The following NCKAP5 variants were observed in gnomAD, a reference collection of about 807,000 sequenced individuals.
NCKAP5 encodes the protein nck-associated protein 5.
Under a neutral mutation model 167.0 loss-of-function variants are expected in NCKAP5, and 92 were observed. The ratio of observed to expected loss-of-function variants is 0.55; its 90% CI spans 0.47 to 0.66. The LOEUF is 0.66. NCKAP5 is among the 30% of genes least tolerant of loss of function. NCKAP5 has a pLI of 0.00. For synonymous variants in NCKAP5, 891 were observed against 877.4 expected, an observed-to-expected ratio of 1.02 and a Z score of -0.27; for missense variants, 2,378 against 2,315.0, an observed-to-expected ratio of 1.03 and a Z score of -0.56.
intron 3 of NCKAP5, among the ~76,000 whole-genome samples, chr2:133,394,316 T>A (rs13408835): frequency 6.6e-6 from 1 of 152,052 alleles, no homozygotes; most frequent in Non-Finnish European, 1.5e-5. Context: ...ATTGGGAGTA[T>A]GGTAGGCCAA....
chr2:132,890,386 T>C (rs1574532792), intron 8 of NCKAP5, among the ~76,000 whole-genome samples: 1 of 147,616 alleles, frequency 6.8e-6, no homozygotes. Flanking sequence ...GGATAAAATA[T>C]AGAGAGGCCA....
At chr2:133,226,232 C>T (rs916831096) in intron 4 of NCKAP5, among the ~76,000 whole-genome samples, 3 of 152,144 alleles carry the variant, frequency 2.0e-5, no homozygotes, top group Admixed American at 6.5e-5. Context: ...TAAGCCGCCA[C>T]ACCGGGCCCA....
At chr2:133,541,076 TTA>T (rs1047551988) in intron 2 of NCKAP5, among the ~76,000 whole-genome samples, 9 of 150,856 alleles carry the variant, frequency 6.0e-5, no homozygotes, top group Non-Finnish European at 1.3e-4. Context: ...TATAAGTATT[TTA>T]TATATATAGA....
chr2:132,713,885 T>A (rs1051032865), intron 19 of NCKAP5, among the ~76,000 whole-genome samples: 2 of 152,130 alleles, frequency 1.3e-5, no homozygotes, highest in Admixed American at 1.3e-4. Context: ...GCTTGGCCAA[T>A]GGAAGGGATG....
chr2:133,063,960 T>G (rs566875619), intron 6 of NCKAP5, among the ~76,000 whole-genome samples: 39 of 152,352 alleles, frequency 2.6e-4, no homozygotes, highest in African/African-American at 8.7e-4. Context: ...CCTTGCTCCT[T>G]CAGGAACTGT....
chr2:133,135,056 C>A (rs2082740308), intron 5 of NCKAP5, among the ~76,000 whole-genome samples: 1 of 152,100 alleles, frequency 6.6e-6, no homozygotes, highest in Admixed American at 6.5e-5. Flanking sequence ...GACATGGTTC[C>A]CGGCTTCGTT....
intron 7 of NCKAP5, among the ~76,000 whole-genome samples, chr2:132,984,664 C>T (rs2077238012): frequency 6.6e-6 from 1 of 152,032 alleles, no homozygotes; most frequent in Non-Finnish European, 1.5e-5. Flanking sequence ...TTTTTTCCAG[C>T]AGGCCTGTTC....
chr2:133,399,397 AC>A lies in NCKAP5; in HGVS notation c.70-96288del, dbSNP rs1216259421. On this transcript the variant is annotated intron_variant, in intron 3 of 19. Coordinates refer to ENST00000409261, the MANE Select transcript of NCKAP5 (RefSeq NM_207363.3). ...TTGACCCTAAGATTAAAAAAAAAAAACAAAACATAAAACAGCTGTCATTATA... is the reference window on the plus strand; with the variant it reads ...TTGACCCTAAGATTAAAAAAAAAAAAAAAACATAAAACAGCTGTCATTATA... Among the ~76,000 whole-genome samples, 290 of 151,776 alleles carry A rather than the reference AC, an allele frequency of 1.9e-3. 2 individuals are homozygous for A. Among genetic ancestry groups the A allele is most frequent in the African/African-American group, 6.6e-3 (274 of 41,434 alleles).
At chr2:133,214,629 A>G (rs1458904359) in intron 4 of NCKAP5, among the ~76,000 whole-genome samples, 2 of 152,186 alleles carry the variant, frequency 1.3e-5, no homozygotes, top group Non-Finnish European at 2.9e-5. Flanking sequence ...AGATGACTGC[A>G]TTTTGGACAG....
chr2:132,779,784 GCTAATAATTAATAA>G (rs1682865419), intron 15 of NCKAP5, among the ~76,000 whole-genome samples: 1 of 152,074 alleles, frequency 6.6e-6, no homozygotes, highest in African/African-American at 2.4e-5. Flanking sequence ...AGTATTTATA[GCTAATAATTAATAA>G]CTAATAATGT....
chr2:133,655,665 G>A, the NCKAP5 span, among the ~76,000 whole-genome samples: 1 of 152,198 alleles, frequency 6.6e-6, no homozygotes, highest in Admixed American at 6.5e-5. Flanking sequence ...GACCTTAAGT[G>A]TCTTATTTTA....
chr2:133,530,258 TA>T (rs35812179), intron 2 of NCKAP5, among the ~76,000 whole-genome samples: 36,680 of 148,336 alleles, frequency 0.25, 5,672 homozygotes, highest in East Asian at 0.45. Flanking sequence ...GACCCTCAAG[TA>T]AAAAAAAAAA....
Position 133,129,898 on chromosome 2 carries a change from A to G in NCKAP5, c.341+80T>C, listed in dbSNP as rs1294027906. The G allele has an allele frequency of 2.8e-6, 4 of 1,422,348 alleles. No homozygotes were observed. In the East Asian group the frequency reaches 7.8e-5, roughly 28 times the overall value. 88.1% of individuals were successfully genotyped at this position (1,422,348 alleles called of 1,614,324 possible). A position where few individuals can be genotyped will look rare whatever the true frequency, so the allele number is the denominator to read the frequency against. Reference sequence around the variant, plus strand: ...CATCAAACACAACAGAAGCTTACTCAATGGACATTCAATCCAAGGTGTTAC... The same window carrying G: ...CATCAAACACAACAGAAGCTTACTCGATGGACATTCAATCCAAGGTGTTAC... On this transcript the variant is annotated intron_variant, in intron 6 of 19. Coordinates refer to ENST00000409261, the MANE Select transcript of NCKAP5 (RefSeq NM_207363.3).
intron 3 of NCKAP5, among the ~76,000 whole-genome samples, chr2:133,504,851 C>G (rs1270118114): frequency 1.3e-5 from 2 of 152,180 alleles, no homozygotes; most frequent in Non-Finnish European, 2.9e-5. Context: ...TTTGACCCCT[C>G]TGAGTCTTTT....
intron 6 of NCKAP5, among the ~76,000 whole-genome samples, chr2:133,028,654 G>A (rs1052606451): frequency 6.6e-6 from 1 of 152,204 alleles, no homozygotes; most frequent in African/African-American, 2.4e-5. Flanking sequence ...TAAGGCAACT[G>A]CTTTAACAAC....
intron 11 of NCKAP5, among the ~76,000 whole-genome samples, chr2:132,853,473 C>T (rs542996359): frequency 1.3e-5 from 2 of 152,222 alleles, no homozygotes; most frequent in African/African-American, 4.8e-5. Flanking sequence ...GTAAAGCCAG[C>T]CACATAGTAA....
intron 3 of NCKAP5, among the ~76,000 whole-genome samples, chr2:133,428,391 T>C (rs1689945296): frequency 6.6e-6 from 1 of 152,150 alleles, no homozygotes. Context: ...TAAGTTACAT[T>C]ATTCGGTAAA....
At chr2:133,053,762 G>T (rs1382659598) in intron 6 of NCKAP5, among the ~76,000 whole-genome samples, 1 of 152,130 alleles carries the variant, frequency 6.6e-6, no homozygotes, top group African/African-American at 2.4e-5. Flanking sequence ...TTTGGTTTTA[G>T]TTACTAAGGA....
chr2:133,020,477 G>A (rs2078489359), intron 6 of NCKAP5, among the ~76,000 whole-genome samples: 3 of 152,192 alleles, frequency 2.0e-5, no homozygotes, highest in Admixed American at 2.0e-4. Context: ...AGGACTTAGA[G>A]GCAAGTACAT....
Sources: allele counts gnomAD v4.1 joint callset (sites outside exome capture counted in the v4.1 genomes callset), GRCh38; gene constraint gnomAD v4.1.1; transcripts MANE v1.5; gene names NCBI Gene and HGNC (gene_info 2026-07-23, HGNC 2026-07-21).